Variants in PCDH9 observed in about 807,000 individuals in gnomAD.
PCDH9 encodes protocadherin-9.
PCDH9 carries 24 observed loss-of-function variants against 70.6 expected under a neutral mutation model. That is an observed-to-expected ratio of 0.34 (90% confidence interval 0.25 to 0.48). PCDH9 has a LOEUF of 0.48. PCDH9 is among the 20% of genes least tolerant of loss of function. PCDH9 has a pLI of 0.99. For synonymous variants in PCDH9, 562 were observed against 558.5 expected, an observed-to-expected ratio of 1.01 and a Z score of -0.09; for missense variants, 1,281 against 1,503.6, an observed-to-expected ratio of 0.85 and a Z score of 2.45.
chr13:66,825,252 C>T (rs1346084520), intron 3 of PCDH9: 4 of 149,052 alleles, frequency 2.7e-5, no homozygotes, highest in Non-Finnish European at 5.9e-5. Flanking sequence ...TTTTTCTTAC[C>T]GTATTGGGGT....
chr13:66,898,825 A>T (rs2082228311), intron 3 of PCDH9, among the ~76,000 whole-genome samples: 1 of 152,016 alleles, frequency 6.6e-6, no homozygotes, highest in African/African-American at 2.4e-5. Context: ...TATTATTTAA[A>T]CAATAGAGTT....
chr13:67,104,379 CAG>C (rs770723029), intron 2 of PCDH9, among the ~76,000 whole-genome samples: 10 of 152,250 alleles, frequency 6.6e-5, no homozygotes, highest in African/African-American at 2.2e-4. Flanking sequence ...ATATCAATGA[CAG>C]GGGCTGTAAT....
intron 4 of PCDH9, among the ~76,000 whole-genome samples, chr13:66,386,787 G>T (rs778467400): frequency 6.6e-6 from 1 of 152,038 alleles, no homozygotes; most frequent in Non-Finnish European, 1.5e-5. Flanking sequence ...ATATTAATTT[G>T]TTGGGAGCAA....
At chr13:66,664,442 C>CTT (rs5804287) in intron 3 of PCDH9, among the ~76,000 whole-genome samples, 3,388 of 146,458 alleles carry the variant, frequency 0.023, 139 homozygotes, top group African/African-American at 0.076. Flanking sequence ...CAGCAATGGG[C>CTT]TTTTTTTTTT....
intron 2 of PCDH9, among the ~76,000 whole-genome samples, chr13:67,097,531 G>A (rs183335810): frequency 2.8e-4 from 42 of 152,070 alleles, no homozygotes; most frequent in African/African-American, 1.0e-3. Context: ...TAGAAACAAG[G>A]GACAAATTAT....
intron 4 of PCDH9, among the ~76,000 whole-genome samples, chr13:66,385,937 G>A (rs1202639368): frequency 2.0e-5 from 3 of 151,194 alleles, no homozygotes; most frequent in Admixed American, 6.6e-5. Context: ...TGTGTTTAAC[G>A]TAGCAAAAGA....
At chr13:67,123,718 A>T in intron 2 of PCDH9, among the ~76,000 whole-genome samples, 1 of 152,258 alleles carries the variant, frequency 6.6e-6, no homozygotes, top group Admixed American at 6.5e-5. Context: ...TCTAAACAAG[A>T]TATAAAATAT....
At chr13:66,800,248 G>A (rs2080305213) in intron 3 of PCDH9, among the ~76,000 whole-genome samples, 1 of 151,866 alleles carries the variant, frequency 6.6e-6, no homozygotes, top group African/African-American at 2.4e-5. Flanking sequence ...CCCAGCCCGG[G>A]ATCTATTTCT....
At chr13:66,533,825 C>T (rs754815131) in intron 4 of PCDH9, among the ~76,000 whole-genome samples, 12 of 152,100 alleles carry the variant, frequency 7.9e-5, no homozygotes, top group Non-Finnish European at 1.8e-4. Context: ...TCTAACTGGC[C>T]TTCCAACCTC....
At chr13:66,507,545 G>A (rs1025380191) in intron 4 of PCDH9, among the ~76,000 whole-genome samples, 2 of 152,060 alleles carry the variant, frequency 1.3e-5, no homozygotes, top group African/African-American at 4.8e-5. Context: ...TATGTGTCAT[G>A]TTTTAGCATT....
chr13:66,912,532 CACAT>C (rs1428368975), intron 2 of PCDH9, among the ~76,000 whole-genome samples: 1 of 151,926 alleles, frequency 6.6e-6, no homozygotes, highest in Admixed American at 6.6e-5. Flanking sequence ...CACACACACA[CACAT>C]ACACACCATG....
At chr13:66,618,829 AAT>A (rs1277745832) in intron 4 of PCDH9, among the ~76,000 whole-genome samples, 1 of 152,310 alleles carries the variant, frequency 6.6e-6, no homozygotes, top group Non-Finnish European at 1.5e-5. Flanking sequence ...TTCTTGGAAG[AAT>A]GGATCACATG....
At chr13:66,373,098 T>C (rs1206891366) in intron 4 of PCDH9, among the ~76,000 whole-genome samples, 4 of 152,134 alleles carry the variant, frequency 2.6e-5, no homozygotes, top group African/African-American at 9.6e-5. Flanking sequence ...CATCAGTCAA[T>C]AATTGGATAA....
At chr13:66,345,771 C>T (rs935013549) in intron 4 of PCDH9, among the ~76,000 whole-genome samples, 2 of 152,172 alleles carry the variant, frequency 1.3e-5, no homozygotes, top group African/African-American at 2.4e-5. Context: ...TGTCTTGAAG[C>T]GTACCCTGCG....
chr13:66,557,576 TA>T (rs1459674241), intron 4 of PCDH9, among the ~76,000 whole-genome samples: 80 of 152,326 alleles, frequency 5.3e-4, no homozygotes, highest in African/African-American at 1.7e-3. Context: ...CTCTTCGCTG[TA>T]ACAGAAACCA....
chr13:67,207,257 C>A (rs2089373180), intron 2 of PCDH9: 1 of 151,512 alleles, frequency 6.6e-6, no homozygotes, highest in South Asian at 2.1e-4. Context: ...TGACTAACTA[C>A]AAGTTTATGT....
chr13:66,973,780 T>C lies in PCDH9; in HGVS notation c.3037-70175A>G, dbSNP rs532339612. On this transcript the variant is annotated intron_variant, in intron 2 of 4. Transcript: ENST00000377865. ...TACTTCTTATTGGATCAGATCATGT[T>C]AGTTTTTAAAAGGTATAATGTGTCT... Among the ~76,000 whole-genome samples, 27 of 152,164 alleles carry C rather than the reference T, an allele frequency of 1.8e-4. 1 individual carries two copies. In the East Asian group the frequency reaches 5.0e-3, roughly 28 times the overall value.
intron 2 of PCDH9, among the ~76,000 whole-genome samples, chr13:67,086,962 G>A (rs1029392995): frequency 2.6e-5 from 4 of 151,772 alleles, no homozygotes; most frequent in African/African-American, 7.3e-5. Flanking sequence ...TTTTTTTGCA[G>A]AGAATAAAAC....
rs2082312664 is a variant in PCDH9, at chr13:66,903,614, G to A, written c.3037-9C>T. ...TTGCTGTGTGAGTTACACTGAAAGA[G>A]ATTACCAAATAATTGTGACAAACTA... On this transcript the variant is annotated splice_polypyrimidine_tract_variant and intron_variant, in intron 2 of 4. Transcript: ENST00000377865. The A allele has an allele frequency of 4.1e-6, 5 of 1,220,204 alleles. No individual in the cohort carries two copies. Among genetic ancestry groups the A allele is most frequent in the Non-Finnish European group, 6.1e-6 (5 of 825,530 alleles). The allele number at this position is 1,220,204 out of a possible 1,614,324, so 75.6% of individuals were successfully genotyped here. A position where few individuals can be genotyped will look rare whatever the true frequency, so the allele number is the denominator to read the frequency against.
Sources: allele counts gnomAD v4.1 joint callset (sites outside exome capture counted in the v4.1 genomes callset), GRCh38; gene constraint gnomAD v4.1.1; transcripts MANE v1.5; gene names NCBI Gene and HGNC (gene_info 2026-07-23, HGNC 2026-07-21).